The following NDUFA10 variants were observed in gnomAD, a reference collection of about 807,000 sequenced individuals.
NDUFA10 encodes the protein NADH:ubiquinone oxidoreductase subunit A10, also known as NADH dehydrogenase [ubiquinone] 1 alpha subcomplex subunit 10, mitochondrial.
Under a neutral mutation model 47.8 loss-of-function variants are expected in NDUFA10, and 40 were observed. The ratio of observed to expected loss-of-function variants is 0.84; its 90% CI spans 0.65 to 1.09. The LOEUF (loss-of-function observed/expected upper bound fraction) is 1.09, where lower values mean the gene tolerates loss of function less well. Ranked by LOEUF, NDUFA10 falls within the 50% of genes least tolerant of loss-of-function variation. The pLI is 0.00. For synonymous variants in NDUFA10, 183 were observed against 172.2 expected (o/e 1.06, Z -0.49); for missense variants, 413 against 451.1 (o/e 0.92, Z 0.76).
intron 4 of NDUFA10, among the ~76,000 whole-genome samples, chr2:239,949,281 T>C (rs1252177375): frequency 3.3e-5 from 5 of 152,082 alleles, no homozygotes; most frequent in African/African-American, 4.8e-5. Context: ...GAGTTAGCAA[T>C]TGTACAGATC....
At chr2:239,978,539 T>C (rs927197571) in intron 9 of NDUFA10, among the ~76,000 whole-genome samples, 4 of 152,146 alleles carry the variant, frequency 2.6e-5, no homozygotes, top group South Asian at 2.1e-4. Context: ...CCAACCCCGA[T>C]TGGATCACTC....
chr2:239,997,636 C>T (rs1381471256), intron 8 of NDUFA10, among the ~76,000 whole-genome samples: 1 of 152,216 alleles, frequency 6.6e-6, no homozygotes, highest in Non-Finnish European at 1.5e-5. Context: ...AGGGGTACTA[C>T]ATGCTCTTTA....
downstream of NDUFA10, among the ~76,000 whole-genome samples, chr2:239,953,335 G>A (rs1225485433): frequency 1.3e-5 from 2 of 152,188 alleles, no homozygotes; most frequent in East Asian, 3.9e-4. Context: ...CCTGCAGGAG[G>A]GACCAGCCCT....
intron 9 of NDUFA10, among the ~76,000 whole-genome samples, chr2:239,988,802 A>G (rs771571569): frequency 2.0e-5 from 3 of 152,236 alleles, no homozygotes; most frequent in Non-Finnish European, 4.4e-5. Flanking sequence ...CCACTCAAAG[A>G]GGGAGAAACA....
chr2:239,998,561 T>C (rs558105869), intron 8 of NDUFA10, among the ~76,000 whole-genome samples: 2 of 152,262 alleles, frequency 1.3e-5, no homozygotes, highest in African/African-American at 4.8e-5. Flanking sequence ...TTCTAAAAAG[T>C]GCCCCATGCT....
intron 4 of NDUFA10, among the ~76,000 whole-genome samples, chr2:239,905,134 C>T (rs539937536): frequency 2.6e-4 from 40 of 152,202 alleles, no homozygotes; most frequent in Non-Finnish European, 4.3e-4. Context: ...TGGGTATAAA[C>T]TCACTGGATC....
rs963555273 is a variant in NDUFA10 at position 239,959,820 on chromosome 2, AAGG to A, written c.*1295_*1297del. On this transcript the variant is annotated 3_prime_UTR_variant, in exon 10 of 10. Transcript: ENST00000252711. Reference sequence around the variant, plus strand: ...ATGGAAGGAAGAAAGGAAGGGAGGGAAGGAGGAGGAAAGAAGGAGGGAAGGAAG... The same window carrying A: ...ATGGAAGGAAGAAAGGAAGGGAGGGAAGGAGGAAAGAAGGAGGGAAGGAAG... 2.3e-6 allele frequency: 2 copies of A among 887,208 alleles called. No individual in the cohort carries two copies. Among genetic ancestry groups the A allele is most frequent in the Non-Finnish European group, 2.7e-6 (2 of 741,244 alleles). 55.0% of individuals were successfully genotyped at this position (887,208 alleles called of 1,614,324 possible).
intron 4 of NDUFA10, among the ~76,000 whole-genome samples, chr2:239,933,016 C>T (rs73101773): frequency 0.13 from 20,242 of 152,172 alleles, 1,688 homozygotes; most frequent in African/African-American, 0.24. Context: ...TGACAAGTGA[C>T]GGCAGCCCGT....
chr2:239,923,139 T>A (rs1694016249), intron 4 of NDUFA10, among the ~76,000 whole-genome samples: 1 of 152,148 alleles, frequency 6.6e-6, no homozygotes, highest in African/African-American at 2.4e-5. Context: ...CCAAAATACA[T>A]AGCCACTGAG....
rs566264563 is a variant in NDUFA10 at position 239,915,459 on chromosome 2, TACAC to T, written c.295-20149_295-20146del. Among the ~76,000 whole-genome samples the T allele has an allele frequency of 4.6e-3, 512 of 110,218 alleles. 18 individuals carry two copies. Among genetic ancestry groups the T allele is most frequent in the African/African-American group, 0.018 (478 of 26,550 alleles). The allele number at this position is 110,218 out of a possible 152,430, so 72.3% of individuals were successfully genotyped here. ...AGACACACACACAGAGAGACAGAGA[TACAC>T]ATACATACACACACACAGAACACAC... On this transcript the variant is annotated intron_variant, in intron 4 of 5. Coordinates refer to the NDUFA10 transcript ENST00000419408.
chr2:239,976,133 G>C (rs1046368115), intron 9 of NDUFA10, among the ~76,000 whole-genome samples: 1 of 152,128 alleles, frequency 6.6e-6, no homozygotes, highest in African/African-American at 2.4e-5. Flanking sequence ...TCCCATCAAC[G>C]CTGATGAGAA....
chr2:240,012,053 C>T (rs901633547), intron 5 of NDUFA10: 55 of 334,710 alleles, frequency 1.6e-4, no homozygotes, highest in African/African-American at 1.1e-3. Flanking sequence ...TTGGGGGCAG[C>T]GGCCTGTCTG....
intron 5 of NDUFA10, chr2:240,013,062 C>T (rs1176137127): frequency 6.6e-6 from 1 of 152,192 alleles, no homozygotes; most frequent in Non-Finnish European, 1.5e-5. Flanking sequence ...GTAATATAAG[C>T]CCATAACATG....
chr2:239,921,340 GAAGGA>G (rs72081829), intron 4 of NDUFA10, among the ~76,000 whole-genome samples: 33,864 of 144,360 alleles, frequency 0.23, 5,432 homozygotes, highest in African/African-American at 0.45. Flanking sequence ...AAAGAGTGGA[GAAGGA>G]AAGAACAAAG....
chr2:239,991,739 A>T (rs967644929), intron 8 of NDUFA10, among the ~76,000 whole-genome samples: 1 of 152,242 alleles, frequency 6.6e-6, no homozygotes, highest in African/African-American at 2.4e-5. Flanking sequence ...CACAATAAGA[A>T]ATTCCAACTA....
chr2:239,892,488 T>C (rs1693314232), exon 6 of NDUFA10: 1 of 152,264 alleles, frequency 6.6e-6, no homozygotes, highest in South Asian at 2.1e-4. Flanking sequence ...TTTAATGCTG[T>C]AAGATGACGT....
intron 9 of NDUFA10, among the ~76,000 whole-genome samples, chr2:239,975,823 A>G (rs2106417538): frequency 1.3e-5 from 2 of 152,166 alleles, no homozygotes; most frequent in East Asian, 3.9e-4. Flanking sequence ...TCCTGGATCA[A>G]GCGTCCACAC....
At position 239,941,514 on chromosome 2, in the gene NDUFA10, T is replaced by A. The variant is rs533289734; in HGVS notation, c.295-46200A>T. On this transcript the variant is annotated intron_variant, in intron 4 of 5. Transcript: ENST00000419408. ...GCCAAGGCGGGCAGATCACCTGAGG[T>A]CGGGAGTTGGAGACCAGACTGGCCA... 1.1e-4 allele frequency among the ~76,000 whole-genome samples: 17 copies of A among 152,078 alleles called. No individual in the cohort carries two copies. In the East Asian group the frequency reaches 3.1e-3, roughly 28 times the overall value.
chr2:239,893,625 G>A (rs956750073), intron 5 of NDUFA10, among the ~76,000 whole-genome samples: 1 of 152,162 alleles, frequency 6.6e-6, no homozygotes, highest in Non-Finnish European at 1.5e-5. Context: ...GGGTGGAAGT[G>A]CCCTGCTCAA....
Sources: allele counts gnomAD v4.1 joint callset (sites outside exome capture counted in the v4.1 genomes callset), GRCh38; gene constraint gnomAD v4.1.1; transcripts MANE v1.5; gene names NCBI Gene and HGNC (gene_info 2026-07-23, HGNC 2026-07-21).